The following TMEFF1 variants were observed in gnomAD, a reference collection of about 807,000 sequenced individuals.
TMEFF1 encodes transmembrane protein with EGF like and two follistatin like domains 1.
TMEFF1 carries 20 observed loss-of-function variants against 47.5 expected under a neutral mutation model. The observed-to-expected ratio is 0.42, with a 90% CI of 0.30 to 0.61. The LOEUF (loss-of-function observed/expected upper bound fraction) is 0.61. Ranked by LOEUF, TMEFF1 falls within the 20% of genes least tolerant of loss-of-function variation. The pLI is 0.19. For missense variants in TMEFF1, 411 were observed against 471.1 expected (o/e 0.87, Z 1.18); for synonymous variants, 162 against 166.3 (o/e 0.97, Z 0.20).
chr9:100,482,024 C>G (rs1301113485), intron 1 of TMEFF1, among the ~76,000 whole-genome samples: 1 of 152,122 alleles, frequency 6.6e-6, no homozygotes, highest in Non-Finnish European at 1.5e-5. Context: ...ATGTGCCTGC[C>G]TTGGCCTCCC....
Position 100,509,104 on chromosome 9 carries a change from A to G in TMEFF1, c.406A>G (p.Thr136Ala), listed in dbSNP as rs1837914374. ...TGCTTGTAAGCACCAGAAAGAGATA[A>G]CAGTAATAGCAAGAGGACCATGCTA... ...RAACKHQKEI[T>A]VIARGPCYSD... Residue 136 changes from threonine to alanine, a missense_variant, in exon 3 of 10, where the codon ACA (threonine) becomes GCA (alanine). Coordinates refer to ENST00000374879, the MANE Select transcript of TMEFF1 (RefSeq NM_003692.5). 6.3e-7 allele frequency: 1 copy of G among 1,591,270 alleles called. No homozygotes were observed. Among genetic ancestry groups the G allele is most frequent in the Non-Finnish European group, 8.5e-7 (1 of 1,170,822 alleles).
chr9:100,497,904 C>T (rs1034271009), intron 1 of TMEFF1, among the ~76,000 whole-genome samples: 4 of 151,796 alleles, frequency 2.6e-5, no homozygotes, highest in African/African-American at 9.7e-5. Flanking sequence ...TTCACCACTA[C>T]ACTGGGATGG....
intron 5 of TMEFF1, among the ~76,000 whole-genome samples, chr9:100,523,165 T>A (rs1838196982): frequency 6.6e-6 from 1 of 152,242 alleles, no homozygotes; most frequent in Admixed American, 6.5e-5. Context: ...AACACTTTCT[T>A]ACCCACTTTG....
At chr9:100,521,878 T>A (rs772200012) in intron 5 of TMEFF1, among the ~76,000 whole-genome samples, 2 of 152,228 alleles carry the variant, frequency 1.3e-5, no homozygotes, top group African/African-American at 2.4e-5. Flanking sequence ...TTTCCATTTA[T>A]CCCCCTGAGT....
intron 7 of TMEFF1, among the ~76,000 whole-genome samples, chr9:100,554,031 A>G (rs976244426): frequency 1.3e-5 from 2 of 152,084 alleles, no homozygotes; most frequent in Admixed American, 6.6e-5. Context: ...ATCTAACTAT[A>G]CCACCCTTTT....
intron 2 of TMEFF1, among the ~76,000 whole-genome samples, chr9:100,505,232 T>A (rs1025809487): frequency 2.6e-5 from 4 of 151,330 alleles, no homozygotes; most frequent in Admixed American, 1.3e-4. Context: ...GCCAACATGG[T>A]GAAACCCCGT....
chr9:100,474,544 A>T (rs1837187114), intron 1 of TMEFF1, among the ~76,000 whole-genome samples: 1 of 151,994 alleles, frequency 6.6e-6, no homozygotes, highest in African/African-American at 2.4e-5. Context: ...AACCCCATTT[A>T]TGTCTTTTCA....
chr9:100,547,821 CCT>C lies in TMEFF1; in HGVS notation c.639_640del (p.Cys214PhefsTer14). 1 of 1,610,258 alleles carries C rather than the reference CCT, an allele frequency of 6.2e-7. No individual in the cohort carries two copies. The highest frequency in any genetic ancestry group is 8.5e-7 in the Non-Finnish European group (1 of 1,178,712). ...TCTGATGGGAGTTCCTATAACAATCCCTGTTTTGTTCGAGAAGCATCTTGTAT... is the reference window on the plus strand; with the variant it reads ...TCTGATGGGAGTTCCTATAACAATCCGTTTTGTTCGAGAAGCATCTTGTAT... On this transcript the variant is annotated frameshift_variant, in exon 6 of 10. Coordinates refer to ENST00000374879, the MANE Select transcript of TMEFF1 (RefSeq NM_003692.5). LOFTEE classifies it high-confidence loss of function.
At chr9:100,523,510 C>T (rs1005665516) in intron 5 of TMEFF1, among the ~76,000 whole-genome samples, 7 of 152,188 alleles carry the variant, frequency 4.6e-5, no homozygotes, top group Non-Finnish European at 7.4e-5. Context: ...TAGTGGCAAT[C>T]GACACTAGGC....
At chr9:100,567,995 A>AT (rs1452348775) in intron 8 of TMEFF1, among the ~76,000 whole-genome samples, 1 of 152,142 alleles carries the variant, frequency 6.6e-6, no homozygotes, top group Non-Finnish European at 1.5e-5. Context: ...CGTGAGACTC[A>AT]TTTACTGTCA....
In TMEFF1 at chr9:100,576,640, A is replaced by G. The variant is rs1587864510; in HGVS notation, c.*40A>G. On this transcript the variant is annotated 3_prime_UTR_variant, in exon 10 of 10. Transcript: ENST00000374879. ...TATGTACACTGACCATGTGATGTAC[A>G]TTTATTATGTCTTTTTTTAAAGAAT... is the stretch of plus-strand genomic sequence containing the variant. 1.3e-6 allele frequency: 2 copies of G among 1,558,440 alleles called. No individual in the cohort carries two copies. Among genetic ancestry groups the G allele is most frequent in the Non-Finnish European group, 1.7e-6 (2 of 1,155,974 alleles).
chr9:100,543,748 A>ACAG (rs1411220308), intron 5 of TMEFF1, among the ~76,000 whole-genome samples: 1 of 122,358 alleles, frequency 8.2e-6, no homozygotes, highest in African/African-American at 3.3e-5. Context: ...CACACACACA[A>ACAG]ATCTCATAAT....
In TMEFF1 at chr9:100,553,249, A is replaced by G. The variant is rs117196588; in HGVS notation, c.775+3089A>G. ...AATTGTAAAAATGTTCTCATAGGAA[A>G]TAGAGGTTAAAAGGTAACTCTATTT... is the stretch of plus-strand genomic sequence containing the variant. On this transcript the variant is annotated intron_variant, in intron 7 of 9. Transcript: ENST00000374879. 3.9e-5 allele frequency among the ~76,000 whole-genome samples: 6 copies of G among 152,342 alleles called. No individual in the cohort carries two copies. In the East Asian group the frequency reaches 1.2e-3, roughly 29 times the overall value.
rs149378582 is a variant in TMEFF1, at chr9:100,498,698, C to T, written c.197-67C>T. On this transcript the variant is annotated intron_variant, in intron 1 of 9. Coordinates refer to ENST00000374879, the MANE Select transcript of TMEFF1 (RefSeq NM_003692.5). Reference sequence around the variant, plus strand: ...GGACTTTTTCATACACACACACACACGCGCACAGACACACACACGTAATAA... The same window carrying T: ...GGACTTTTTCATACACACACACACATGCGCACAGACACACACACGTAATAA... 338 of 1,461,466 alleles carry T rather than the reference C, an allele frequency of 2.3e-4. 2 individuals carry two copies. The African/African-American group carries it at 3.3e-3, about 14-fold the overall frequency. The allele number at this position is 1,461,466 out of a possible 1,614,324, so 90.5% of individuals were successfully genotyped here.
chr9:100,524,500 A>T (rs1838221050), intron 5 of TMEFF1, among the ~76,000 whole-genome samples: 1 of 152,216 alleles, frequency 6.6e-6, no homozygotes, highest in Admixed American at 6.5e-5. Context: ...GGACAAAGCC[A>T]TGAGTATTGG....
chr9:100,488,293 T>C (rs1837487955), intron 1 of TMEFF1, among the ~76,000 whole-genome samples: 1 of 152,226 alleles, frequency 6.6e-6, no homozygotes, highest in South Asian at 2.1e-4. Context: ...CCAAAGTCTG[T>C]GTAGTATTAT....
intron 1 of TMEFF1, among the ~76,000 whole-genome samples, chr9:100,490,865 G>A (rs141106478): frequency 0.019 from 2,839 of 148,070 alleles, 77 homozygotes; most frequent in African/African-American, 0.068. Context: ...GTGTGTGTGT[G>A]TGTGTGTATG....
intron 4 of TMEFF1, among the ~76,000 whole-genome samples, chr9:100,514,228 A>C (rs957025731): frequency 3.3e-5 from 5 of 152,034 alleles, no homozygotes; most frequent in Non-Finnish European, 7.4e-5. Context: ...AGAATCTTAA[A>C]ATTTCAGAGT....
At chr9:100,576,378 C>T in intron 9 of TMEFF1, 138 bp from the exon 10 acceptor site, 3 of 1,053,824 alleles carry the variant, frequency 2.8e-6, no homozygotes, top group Admixed American at 2.8e-5. Flanking sequence ...CAACAGATAC[C>T]ATCTCATTTC....
Sources: gnomAD v4.1 joint callset for allele counts (sites outside exome capture counted in the v4.1 genomes callset) on GRCh38, gnomAD v4.1.1 for gene constraint, MANE v1.5 for transcripts, NCBI Gene and HGNC (gene_info 2026-07-23, HGNC 2026-07-21) for gene names.